REXO4: variants seen among roughly 807,000 people sequenced by gnomAD.
REXO4 encodes REX4 homolog, 3'-5' exonuclease.
REXO4 carries 29 observed loss-of-function variants against 39.9 expected under a neutral mutation model. The ratio of observed to expected loss-of-function variants is 0.73; its 90% CI spans 0.54 to 0.99. REXO4 has a LOEUF of 0.99. REXO4 is among the 50% of genes least tolerant of loss of function. The pLI is 0.00. For synonymous variants in REXO4, 184 were observed against 206.2 expected (o/e 0.89, Z 0.92); for missense variants, 524 against 546.5 (o/e 0.96, Z 0.41).
intron 6 of REXO4, among the ~76,000 whole-genome samples, chr9:133,408,389 G>A (rs868032649): frequency 6.6e-6 from 1 of 152,096 alleles, no homozygotes; most frequent in Non-Finnish European, 1.5e-5. Flanking sequence ...AGCCTGGGAG[G>A]TGGCAGTTAC....
At chr9:133,410,846 G>T in intron 5 of REXO4, 139 bp downstream of exon 5, 2 of 665,522 alleles carry the variant, frequency 3.0e-6, no homozygotes, top group Non-Finnish European at 2.7e-6. Flanking sequence ...TCAGCACGCG[G>T]TATCTGATAT....
intron 3 of REXO4, 108 bp from the exon 4 acceptor site, chr9:133,412,600 G>A: frequency 7.0e-7 from 1 of 1,429,284 alleles, no homozygotes; most frequent in South Asian, 1.2e-5. Flanking sequence ...AAAGCTCTCT[G>A]CCCCTCACTC....
In REXO4 at chr9:133,412,946, A is replaced by G. The variant is rs372440510; in HGVS notation, c.573-25T>C. On this transcript the variant is annotated intron_variant, in intron 2 of 7. Transcript: ENST00000371942. ...CCTAAAAGGCAAAGATAACAGGCTG[A>G]TCACCAGAAGACCCTAGTGCAACTG... 1.2e-5 allele frequency: 19 copies of G among 1,611,064 alleles called. No homozygotes were observed. In the African/African-American group the frequency reaches 2.4e-4, roughly 20 times the overall value.
rs1167068707 is a variant in REXO4 at position 133,414,709 on chromosome 9, A to T, written c.528T>A (p.His176Gln). 1 of 1,613,940 alleles carries T rather than the reference A, an allele frequency of 6.2e-7. No homozygotes were observed. The highest frequency in any genetic ancestry group is 8.5e-7 in the Non-Finnish European group (1 of 1,179,988). Residue 176 changes from histidine (H) to glutamine (Q), a missense_variant, in exon 2 of 8, where the codon CAT becomes CAA. His to Gln is a conservative substitution (Grantham distance 24). Transcript: ENST00000371942. ...CTGCCTCCTTAGCTTTCCGCTTCTT[A>T]TGCTCGATGTCCCCTCGTTCTGGAA... The part of the protein sequence containing the change: ...DIVPERGDIE[H>Q]KKRKAKEAAP...
intron 2 of REXO4, chr9:133,414,208 C>G: frequency 2.8e-6 from 1 of 354,932 alleles, no homozygotes; most frequent in South Asian, 2.2e-5. Flanking sequence ...GAGCTGGGAT[C>G]ACAGGCAACA....
intron 1 of REXO4, chr9:133,415,701 T>C (rs1554781426): frequency 6.6e-6 from 1 of 152,248 alleles, no homozygotes; most frequent in Non-Finnish European, 1.5e-5. Flanking sequence ...GCTGACTTTC[T>C]TGGATGAATT....
At chr9:133,415,726 A>C (rs142659395) in intron 1 of REXO4, 137 of 152,332 alleles carry the variant, frequency 9.0e-4, no homozygotes, top group African/African-American at 3.2e-3. Context: ...AACACTCCAA[A>C]GTTTCCCTAT....
intron 1 of REXO4, chr9:133,415,778 T>G (rs934106491): frequency 6.6e-6 from 1 of 152,214 alleles, no homozygotes; most frequent in Non-Finnish European, 1.5e-5. Flanking sequence ...TTTTCTTTCT[T>G]GGGAGAAGGA....
At chr9:133,415,847 C>G (rs906948588) in intron 1 of REXO4, 1 of 152,152 alleles carries the variant, frequency 6.6e-6, no homozygotes, top group East Asian at 1.9e-4. Flanking sequence ...GGGAATTTGA[C>G]TGGTCCTGTG....
chr9:133,409,632 G>A (rs964375920), intron 5 of REXO4, among the ~76,000 whole-genome samples: 1 of 152,088 alleles, frequency 6.6e-6, no homozygotes, highest in Non-Finnish European at 1.5e-5. Flanking sequence ...GGTAATCATG[G>A]CTCACTGCAG....
Position 133,414,927 on chromosome 9 carries a change from G to A in REXO4, c.310C>T (p.Gln104Ter). ...GGCGAGGTCTCTTTTTTGTTTTGCT[G>A]GATAATTTTGGGCTTCTTTTTGGAA... ...MGSKKKPKII[Q>*]QNKKETSPQV... The change falls in exon 2 of 8, where the codon CAG becomes TAG. Residue 104 changes from glutamine to a stop codon, truncating the protein, a stop_gained. Coordinates refer to ENST00000371942, the MANE Select transcript of REXO4 (RefSeq NM_020385.4). LOFTEE classifies it high-confidence loss of function. The A allele has an allele frequency of 6.2e-7, 1 of 1,613,814 alleles. No individual in the cohort carries two copies. Among genetic ancestry groups the A allele is most frequent in the Middle Eastern group, 1.7e-4 (1 of 6,054 alleles).
At chr9:133,415,869 G>C (rs1839564192) in intron 1 of REXO4, 2 of 152,302 alleles carry the variant, frequency 1.3e-5, no homozygotes, top group African/African-American at 2.4e-5. Context: ...GTTAAGACAG[G>C]AATGTCTGCA....
rs1292030166 is a variant in REXO4 at position 133,410,859 on chromosome 9, T to C, written c.999+126A>G. On this transcript the variant is annotated intron_variant, in intron 5 of 7. Coordinates refer to ENST00000371942, the MANE Select transcript of REXO4 (RefSeq NM_020385.4). ...ACTCAGCACGCGGTATCTGATATTA[T>C]TACCAAAGTATTCCCAACATAGAGC... 4.1e-5 allele frequency: 29 copies of C among 703,492 alleles called. No individual in the cohort carries two copies. The East Asian group carries it at 7.5e-4, about 18-fold the overall frequency. 43.6% of individuals were successfully genotyped at this position (703,492 alleles called of 1,614,324 possible).
intron 5 of REXO4, among the ~76,000 whole-genome samples, chr9:133,409,942 C>T (rs1005243634): frequency 2.0e-5 from 3 of 152,150 alleles, no homozygotes; most frequent in Non-Finnish European, 2.9e-5. Flanking sequence ...GAGGGAAGGA[C>T]GAGTCCCCAC....
chr9:133,417,397 T>C (rs1554781865), intron 1 of REXO4, among the ~76,000 whole-genome samples: 1 of 152,276 alleles, frequency 6.6e-6, no homozygotes, highest in East Asian at 1.9e-4. Context: ...CAAGGGTTTA[T>C]CTTTGCTTTT....
intron 2 of REXO4, among the ~76,000 whole-genome samples, chr9:133,414,066 G>A (rs781854884): frequency 1.3e-5 from 2 of 152,238 alleles, no homozygotes; most frequent in African/African-American, 4.8e-5. Context: ...GGCCAGCACA[G>A]GGTTTATTCT....
At chr9:133,415,527 G>C (rs1019976078) in intron 1 of REXO4, 1 of 154,452 alleles carries the variant, frequency 6.5e-6, no homozygotes, top group Non-Finnish European at 1.4e-5. Flanking sequence ...CTGAAGAACT[G>C]CTAGCAGCCA....
rs190925176 is a variant in REXO4, at chr9:133,408,985, T to A, written c.1000-143A>T. 1,673 of 459,598 alleles carry A rather than the reference T, an allele frequency of 3.6e-3. 29 individuals are homozygous for A. Among genetic ancestry groups the A allele is most frequent in the African/African-American group, 0.032 (1,442 of 44,472 alleles). The allele number at this position is 459,598 out of a possible 1,614,324, so 28.5% of individuals were successfully genotyped here. On this transcript the variant is annotated intron_variant, in intron 5 of 7. Coordinates refer to ENST00000371942, the MANE Select transcript of REXO4 (RefSeq NM_020385.4). ...GTGTGTGTGTGTGTGTGTGTGTGTG[T>A]GACGGAGTCTTGCTCTGTCACCCAG...
At chr9:133,411,156 C>T (rs1255611418) in intron 4 of REXO4, 83 bp from the exon 5 acceptor site, 2 of 1,110,314 alleles carry the variant, frequency 1.8e-6, no homozygotes, top group Admixed American at 1.8e-5. Flanking sequence ...GCTCCTACCC[C>T]TGGTCAGACC....
Sources: gnomAD v4.1 joint callset for allele counts (sites outside exome capture counted in the v4.1 genomes callset) on GRCh38, gnomAD v4.1.1 for gene constraint, MANE v1.5 for transcripts, NCBI Gene and HGNC (gene_info 2026-07-23, HGNC 2026-07-21) for gene names.